The following ABTB2 variants were observed in gnomAD, a reference collection of about 807,000 sequenced individuals.
ABTB2 encodes the protein ankyrin repeat and BTB domain containing 2.
Under a neutral mutation model 104.1 loss-of-function variants are expected in ABTB2, and 56 were observed. The ratio of observed to expected loss-of-function variants is 0.54; its 90% CI spans 0.43 to 0.67. The LOEUF (loss-of-function observed/expected upper bound fraction) is 0.67. Ranked by LOEUF, ABTB2 falls within the 30% of genes least tolerant of loss-of-function variation. The pLI is 0.00. For missense variants in ABTB2, 1,279 were observed against 1,407.7 expected, an observed-to-expected ratio of 0.91 and a Z score of 1.46; for synonymous variants, 606 against 608.2, an observed-to-expected ratio of 1.00 and a Z score of 0.05.
At position 34,238,473 on chromosome 11, in the gene ABTB2, G is replaced by C. The variant is rs560742185; in HGVS notation, c.884-33783C>G. Among the ~76,000 whole-genome samples the C allele has an allele frequency of 1.6e-4, 24 of 152,174 alleles. 1 individual carries two copies. Among genetic ancestry groups the C allele is most frequent in the Non-Finnish European group, 3.1e-4 (21 of 68,040 alleles). On this transcript the variant is annotated intron_variant, in intron 1 of 16. Coordinates refer to ENST00000435224, the MANE Select transcript of ABTB2 (RefSeq NM_145804.3). ...TTCATTGCTATATTCTTAGTATCTA[G>C]CACAGTACCTGGGATACAGTAGGTA...
In ABTB2 at chr11:34,167,319, G is replaced by A; in HGVS notation, c.1695C>T (p.Asp565=). Residue 565 remains aspartate (D), a synonymous_variant, in exon 7 of 17, where the codon GAC becomes GAT. Coordinates refer to ENST00000435224, the MANE Select transcript of ABTB2 (RefSeq NM_145804.3). ...ATGTCAGTGAGGTCCAGTGCCGGCTGTCGGGGTGGATGGAAGGGTGCCTGG... is the reference window on the plus strand; with the variant it reads ...ATGTCAGTGAGGTCCAGTGCCGGCTATCGGGGTGGATGGAAGGGTGCCTGG... ...NSPRHPSIHP[D]SRHWTSLTFA... 1 of 1,613,616 alleles carries A rather than the reference G, an allele frequency of 6.2e-7. No individual in the cohort carries two copies. The highest frequency in any genetic ancestry group is 8.5e-7 in the Non-Finnish European group (1 of 1,179,764).
intron 3 of ABTB2, 60 bp downstream of exon 3, chr11:34,197,265 C>G: frequency 1.9e-6 from 3 of 1,557,562 alleles, no homozygotes; most frequent in Non-Finnish European, 8.9e-7. Context: ...GTCAGTCAGT[C>G]GGTCAATGCA....
chr11:34,297,631 T>A (rs986902036), intron 1 of ABTB2, among the ~76,000 whole-genome samples: 28 of 151,978 alleles, frequency 1.8e-4, no homozygotes. Flanking sequence ...CTGGGCGTAG[T>A]GGCGCATGCC....
chr11:34,323,758 C>T (rs2133112399), intron 1 of ABTB2, among the ~76,000 whole-genome samples: 1 of 152,278 alleles, frequency 6.6e-6, no homozygotes, highest in South Asian at 2.1e-4. Flanking sequence ...CAATCTTTCT[C>T]CAGGGCCAAA....
At chr11:34,197,090 G>A (rs1021741759) in intron 3 of ABTB2, among the ~76,000 whole-genome samples, 7 of 152,238 alleles carry the variant, frequency 4.6e-5, no homozygotes, top group African/African-American at 9.6e-5. Flanking sequence ...AGAAGCACAC[G>A]TTCTGAGCCT....
At chr11:34,257,690 G>A (rs1854140697) in intron 1 of ABTB2, among the ~76,000 whole-genome samples, 1 of 152,136 alleles carries the variant, frequency 6.6e-6, no homozygotes, top group Non-Finnish European at 1.5e-5. Context: ...CTGGACTCAG[G>A]CATTGTCCTA....
At chr11:34,319,071 G>C (rs1854971526) in intron 1 of ABTB2, among the ~76,000 whole-genome samples, 1 of 152,208 alleles carries the variant, frequency 6.6e-6, no homozygotes, top group South Asian at 2.1e-4. Flanking sequence ...CCCTGGAGCT[G>C]GGGGATAACA....
At chr11:34,313,991 G>A (rs1442615310) in intron 1 of ABTB2, among the ~76,000 whole-genome samples, 2 of 152,230 alleles carry the variant, frequency 1.3e-5, no homozygotes, top group South Asian at 2.1e-4. Context: ...CGGTCCTAGG[G>A]TGTGGGTGCT....
intron 1 of ABTB2, among the ~76,000 whole-genome samples, chr11:34,219,494 A>C (rs926849033): frequency 6.6e-6 from 1 of 152,062 alleles, no homozygotes; most frequent in African/African-American, 2.4e-5. Context: ...AGTGAGCCAC[A>C]ATCATGCCAC....
At chr11:34,334,257 T>G (rs1855166937) in intron 1 of ABTB2, among the ~76,000 whole-genome samples, 1 of 152,152 alleles carries the variant, frequency 6.6e-6, no homozygotes, top group Admixed American at 6.5e-5. Context: ...TTTAGACACA[T>G]ACGGGAGCTC....
chr11:34,299,170 ATCAAAG>A (rs1377512033), intron 1 of ABTB2, among the ~76,000 whole-genome samples: 1 of 152,226 alleles, frequency 6.6e-6, no homozygotes, highest in African/African-American at 2.4e-5. Flanking sequence ...AACTAAAAGA[ATCAAAG>A]TCAAAGTAGG....
chr11:34,249,209 C>A (rs999746805), intron 1 of ABTB2, among the ~76,000 whole-genome samples: 7 of 152,314 alleles, frequency 4.6e-5, no homozygotes, highest in African/African-American at 1.7e-4. Flanking sequence ...AATGCGCAGC[C>A]TTGAGGGGAG....
intron 7 of ABTB2, among the ~76,000 whole-genome samples, chr11:34,166,981 C>CGA (rs150838892): frequency 9.2e-5 from 14 of 152,078 alleles, no homozygotes; most frequent in African/African-American, 1.9e-4. Flanking sequence ...GTGCCCGACA[C>CGA]GAGAGAGAGA....
At chr11:34,174,367 C>G (rs1470095022) in intron 3 of ABTB2, among the ~76,000 whole-genome samples, 1 of 150,626 alleles carries the variant, frequency 6.6e-6, no homozygotes, top group Non-Finnish European at 1.5e-5. Flanking sequence ...AAAAGAGTAG[C>G]GGCTTCAAGT....
chr11:34,183,375 C>T (rs1853052793), intron 3 of ABTB2, among the ~76,000 whole-genome samples: 1 of 152,184 alleles, frequency 6.6e-6, no homozygotes, highest in Admixed American at 6.5e-5. Context: ...GCTGGGATGG[C>T]AGGCGTGAGC....
intron 1 of ABTB2, among the ~76,000 whole-genome samples, chr11:34,304,177 C>T (rs1187607754): frequency 6.6e-6 from 1 of 152,174 alleles, no homozygotes; most frequent in African/African-American, 2.4e-5. Flanking sequence ...TAGGAAAAAA[C>T]ATGGTATATC....
intron 1 of ABTB2, among the ~76,000 whole-genome samples, chr11:34,317,492 G>C (rs541454789): frequency 6.6e-5 from 10 of 152,260 alleles, no homozygotes; most frequent in African/African-American, 2.4e-4. Flanking sequence ...TTAAGAATGG[G>C]CCAGGCATGG....
chr11:34,338,228 G>T (rs1353184940), intron 1 of ABTB2, among the ~76,000 whole-genome samples: 3 of 149,796 alleles, frequency 2.0e-5, no homozygotes, highest in Non-Finnish European at 4.4e-5. Flanking sequence ...GAAAAGTACA[G>T]AAATTAGCTG....
intron 1 of ABTB2, among the ~76,000 whole-genome samples, chr11:34,323,032 G>A (rs1186611551): frequency 2.0e-5 from 3 of 152,104 alleles, no homozygotes; most frequent in South Asian, 2.1e-4. Flanking sequence ...ACCTTAGCTC[G>A]AGTAGCTGGG....
Sources: gnomAD v4.1 joint callset for allele counts (sites outside exome capture counted in the v4.1 genomes callset) on GRCh38, gnomAD v4.1.1 for gene constraint, MANE v1.5 for transcripts, NCBI Gene and HGNC (gene_info 2026-07-23, HGNC 2026-07-21) for gene names.